CCDC178: variants seen among roughly 807,000 people sequenced by gnomAD.
CCDC178 encodes coiled-coil domain containing 178.
Under a neutral mutation model 117.4 loss-of-function variants are expected in CCDC178, and 126 were observed. That is an observed-to-expected ratio of 1.07 (90% CI 0.93 to 1.24). The LOEUF is 1.24. Ranked by LOEUF, CCDC178 falls within the 50% of genes most tolerant of loss-of-function variation. CCDC178 has a pLI of 0.00. For missense variants in CCDC178, 1,030 were observed against 986.9 expected, an observed-to-expected ratio of 1.04 and a Z score of -0.59; for synonymous variants, 283 against 313.4, an observed-to-expected ratio of 0.90 and a Z score of 1.02.
chr18:33,398,332 CAGAT>C (rs1332746682), intron 3 of CCDC178, among the ~76,000 whole-genome samples: 22 of 152,008 alleles, frequency 1.4e-4, no homozygotes, highest in African/African-American at 5.1e-4. Context: ...GAAAAGCTAT[CAGAT>C]AATTTTATAA....
intron 21 of CCDC178, among the ~76,000 whole-genome samples, chr18:33,006,213 C>T (rs1411581607): frequency 6.6e-6 from 1 of 151,920 alleles, no homozygotes; most frequent in Non-Finnish European, 1.5e-5. Context: ...TTTTATTTCA[C>T]AACTCAGAAT....
chr18:32,949,840 A>G (rs1251180324), intron 22 of CCDC178, among the ~76,000 whole-genome samples: 3 of 152,090 alleles, frequency 2.0e-5, no homozygotes, highest in Non-Finnish European at 4.4e-5. Context: ...TCCTATATAT[A>G]TAGTTTTCAG....
chr18:33,115,682 C>T (rs565302597), intron 20 of CCDC178, among the ~76,000 whole-genome samples: 6 of 152,100 alleles, frequency 3.9e-5, no homozygotes, highest in South Asian at 2.1e-4. Flanking sequence ...CGCCCTGCTA[C>T]GTTAGCATTC....
chr18:33,386,457 T>C (rs955652085), intron 5 of CCDC178, among the ~76,000 whole-genome samples: 1 of 151,996 alleles, frequency 6.6e-6, no homozygotes, highest in African/African-American at 2.4e-5. Context: ...CTAATGAACA[T>C]CTATGCAAAA....
chr18:33,340,452 T>C (rs919840194), intron 9 of CCDC178, among the ~76,000 whole-genome samples: 1 of 152,162 alleles, frequency 6.6e-6, no homozygotes, highest in African/African-American at 2.4e-5. Context: ...TGCAGAAATT[T>C]GCATAAGTAG....
At position 33,010,690 on chromosome 18, in the gene CCDC178, A is replaced by G. The variant is rs1194079651; in HGVS notation, c.2389-36009T>C. The stretch of plus-strand genomic sequence containing the variant: ...ATAGGTCCAACTTAACTTTCATACC[A>G]AAAGGACCATAAATGTAGTTCTCTG... On this transcript the variant is annotated intron_variant, in intron 21 of 22. Transcript: ENST00000383096. Among the ~76,000 whole-genome samples, 3 of 152,312 alleles carry G rather than the reference A, an allele frequency of 2.0e-5. No homozygotes were observed. In the East Asian group the frequency reaches 5.8e-4, roughly 29 times the overall value.
chr18:33,035,021 A>G (rs1175974900), intron 21 of CCDC178, among the ~76,000 whole-genome samples: 5 of 151,994 alleles, frequency 3.3e-5, no homozygotes, highest in African/African-American at 1.2e-4. Context: ...GCAGTGTGGA[A>G]CATGAGACAT....
At chr18:33,400,849 G>A (rs958035984) in intron 3 of CCDC178, among the ~76,000 whole-genome samples, 7 of 152,160 alleles carry the variant, frequency 4.6e-5, no homozygotes, top group Non-Finnish European at 1.0e-4. Context: ...TATGTTTTCA[G>A]TCTATCTCAG....
intron 7 of CCDC178, among the ~76,000 whole-genome samples, chr18:33,352,015 G>A (rs1197994725): frequency 1.3e-5 from 2 of 152,110 alleles, no homozygotes; most frequent in Admixed American, 6.6e-5. Flanking sequence ...TTCTTTCAAT[G>A]TTTAGTAGAA....
intron 17 of CCDC178, 70 bp downstream of exon 17, chr18:33,224,704 TA>T (rs1255243191): frequency 1.5e-5 from 15 of 1,013,664 alleles, no homozygotes; most frequent in Non-Finnish European, 2.0e-5. Flanking sequence ...AATGATAATG[TA>T]AAATCACATG....
intron 2 of CCDC178, among the ~76,000 whole-genome samples, chr18:33,421,561 G>T (rs2144934614): frequency 6.6e-6 from 1 of 152,274 alleles, no homozygotes; most frequent in Non-Finnish European, 1.5e-5. Flanking sequence ...ATTTGTTTTT[G>T]TTTTTGTCTT....
intron 6 of CCDC178, among the ~76,000 whole-genome samples, chr18:33,364,729 C>T (rs1568177692): frequency 1.6e-5 from 2 of 123,638 alleles, no homozygotes; most frequent in African/African-American, 3.4e-5. Context: ...TCTGTTGTCG[C>T]TCCTTTTTTT....
At chr18:33,332,858 C>A (rs2062687634) in intron 10 of CCDC178, among the ~76,000 whole-genome samples, 1 of 152,138 alleles carries the variant, frequency 6.6e-6, no homozygotes, top group African/African-American at 2.4e-5. Context: ...AAGCGATGCA[C>A]CCACCTCAGC....
intron 2 of CCDC178, among the ~76,000 whole-genome samples, chr18:33,439,341 G>A (rs909794557): frequency 2.6e-5 from 4 of 151,962 alleles, no homozygotes; most frequent in Non-Finnish European, 5.9e-5. Context: ...GGTGGGAGCA[G>A]GAGAGAGAAG....
Position 33,278,959 on chromosome 18 carries a change from A to C in CCDC178, c.1177-11662T>G, listed in dbSNP as rs369012652. On this transcript the variant is annotated intron_variant, in intron 12 of 22. Coordinates refer to ENST00000383096, the MANE Select transcript of CCDC178 (RefSeq NM_001105528.4). ...AGGTATTGATGGGATGTATCTCAAA[A>C]TAATAAGAGCTATCTATGACAAACC... 5.1e-4 allele frequency among the ~76,000 whole-genome samples: 78 copies of C among 152,268 alleles called. No individual in the cohort carries two copies. In the East Asian group the frequency reaches 9.1e-3, roughly 18 times the overall value.
At chr18:33,065,007 C>A (rs466491) in intron 21 of CCDC178, among the ~76,000 whole-genome samples, 21,225 of 148,172 alleles carry the variant, frequency 0.14, 2,323 homozygotes, top group African/African-American at 0.31. Flanking sequence ...GCTGCATGTT[C>A]TCACTCATGT....
chr18:33,262,281 A>G (rs1374812105), intron 14 of CCDC178, among the ~76,000 whole-genome samples: 1 of 152,210 alleles, frequency 6.6e-6, no homozygotes, highest in Non-Finnish European at 1.5e-5. Context: ...TCTTTCCACA[A>G]TTTCAGACTC....
chr18:33,000,643 A>G (rs1488503029), intron 21 of CCDC178, among the ~76,000 whole-genome samples: 1 of 152,230 alleles, frequency 6.6e-6, no homozygotes, highest in Non-Finnish European at 1.5e-5. Flanking sequence ...CAGACTTTTC[A>G]GCGGAAAACT....
intron 21 of CCDC178, among the ~76,000 whole-genome samples, chr18:33,053,429 C>G (rs572757106): frequency 1.3e-5 from 2 of 152,044 alleles, no homozygotes; most frequent in African/African-American, 2.4e-5. Context: ...AAATGGTGGA[C>G]GGACATAGGT....
Sources: allele counts gnomAD v4.1 joint callset (sites outside exome capture counted in the v4.1 genomes callset), GRCh38; gene constraint gnomAD v4.1.1; transcripts MANE v1.5; gene names NCBI Gene and HGNC (gene_info 2026-07-23, HGNC 2026-07-21).